The following DTNBP1 variants were observed in gnomAD, a reference collection of about 807,000 sequenced individuals.
The protein encoded by DTNBP1 is dysbindin.
Under a neutral mutation model 42.8 loss-of-function variants are expected in DTNBP1, and 35 were observed. The ratio of observed to expected loss-of-function variants is 0.82; its 90% CI spans 0.63 to 1.09. The LOEUF is 1.09. Among genes scored for constraint, DTNBP1 ranks in the 50% least tolerant of loss-of-function variants. The pLI is 0.00. For synonymous variants in DTNBP1, 171 were observed against 162.2 expected (o/e 1.05, Z -0.41); for missense variants, 457 against 424.2 (o/e 1.08, Z -0.68).
At chr6:15,567,406 T>C (rs964916077) in intron 7 of DTNBP1, among the ~76,000 whole-genome samples, 6 of 152,112 alleles carry the variant, frequency 3.9e-5, no homozygotes, top group African/African-American at 9.7e-5. Context: ...TGAGCTATGA[T>C]TGCACCACTG....
rs867159662 is a variant in DTNBP1, at chr6:15,523,336, G to C, written c.812-117C>G. ...AAGGGGGGTGTGGTTTTTGTTCCAG[G>C]CACCTGGGGCCTGCAGAACTTGGGA... On this transcript the variant is annotated intron_variant, in intron 9 of 9. Transcript: ENST00000344537. The C allele has an allele frequency of 7.0e-6, 10 of 1,429,984 alleles. 1 individual carries two copies. The Middle Eastern group carries it at 1.8e-3, about 260-fold the overall frequency. The allele number at this position is 1,429,984 out of a possible 1,614,324, so 88.6% of individuals were successfully genotyped here. A position where few individuals can be genotyped will look rare whatever the true frequency, so the allele number is the denominator to read the frequency against.
chr6:15,565,407 T>C (rs1254024491), intron 7 of DTNBP1, among the ~76,000 whole-genome samples: 1 of 152,172 alleles, frequency 6.6e-6, no homozygotes, highest in Non-Finnish European at 1.5e-5. Context: ...CTTTTTTAAA[T>C]AGCCCCAAAC....
chr6:15,578,017 C>A (rs545237371), intron 7 of DTNBP1, among the ~76,000 whole-genome samples: 1 of 152,166 alleles, frequency 6.6e-6, no homozygotes, highest in South Asian at 2.1e-4. Flanking sequence ...GTGGACAGTA[C>A]GAACAACTGC....
intron 7 of DTNBP1, among the ~76,000 whole-genome samples, chr6:15,552,686 A>G (rs145584317): frequency 2.2e-3 from 336 of 152,368 alleles, no homozygotes; most frequent in African/African-American, 7.5e-3. Context: ...TAAGAAAAGT[A>G]TAACTTATAA....
intron 8 of DTNBP1, among the ~76,000 whole-genome samples, chr6:15,531,319 T>TCC (rs1772807247): frequency 6.6e-6 from 1 of 152,164 alleles, no homozygotes; most frequent in Non-Finnish European, 1.5e-5. Context: ...GCAAACCCTC[T>TCC]CCTTCCTCCC....
intron 1 of DTNBP1, among the ~76,000 whole-genome samples, chr6:15,655,190 T>C (rs959148105): frequency 1.1e-4 from 17 of 152,280 alleles, no homozygotes; most frequent in African/African-American, 3.8e-4. Flanking sequence ...GGAGCAATCA[T>C]AGCTCACTGC....
intron 1 of DTNBP1, among the ~76,000 whole-genome samples, chr6:15,654,541 T>C (rs984875201): frequency 6.6e-6 from 1 of 152,206 alleles, no homozygotes; most frequent in East Asian, 1.9e-4. Flanking sequence ...CAACTATTTA[T>C]TTCTAAAACA....
At chr6:15,642,027 C>T (rs562284332) in intron 3 of DTNBP1, among the ~76,000 whole-genome samples, 5 of 152,276 alleles carry the variant, frequency 3.3e-5, no homozygotes, top group East Asian at 1.9e-4. Context: ...CACATGCACT[C>T]GGACACACAG....
At chr6:15,594,358 G>C (rs1441963673) in intron 6 of DTNBP1, among the ~76,000 whole-genome samples, 3 of 151,892 alleles carry the variant, frequency 2.0e-5, no homozygotes, top group African/African-American at 7.3e-5. Context: ...CCAGCTACTA[G>C]GGAGGCTGAG....
intron 5 of DTNBP1, among the ~76,000 whole-genome samples, chr6:15,621,265 T>C (rs575841561): frequency 5.3e-5 from 8 of 152,380 alleles, no homozygotes; most frequent in African/African-American, 1.7e-4. Flanking sequence ...AAAATGTGTA[T>C]GTTCTTTTTA....
At chr6:15,596,873 G>A (rs963744045) in intron 6 of DTNBP1, among the ~76,000 whole-genome samples, 11 of 152,052 alleles carry the variant, frequency 7.2e-5, no homozygotes, top group African/African-American at 2.7e-4. Context: ...GGCATTACCC[G>A]GCTCCTCAAG....
At chr6:15,624,709 T>A (rs1274585634) in intron 5 of DTNBP1, among the ~76,000 whole-genome samples, 1 of 152,210 alleles carries the variant, frequency 6.6e-6, no homozygotes, top group African/African-American at 2.4e-5. Context: ...TCGGTTACCA[T>A]TTTCTTCTAA....
At chr6:15,599,736 T>C (rs1776653399) in intron 6 of DTNBP1, among the ~76,000 whole-genome samples, 1 of 152,192 alleles carries the variant, frequency 6.6e-6, no homozygotes, top group Admixed American at 6.5e-5. Flanking sequence ...AAAAACACTT[T>C]TATTTTCACT....
chr6:15,524,617 C>T lies in DTNBP1; in HGVS notation c.720G>A (p.Gln240=). ...SMEVNVDMLE[Q]MDLMDISDQE... ...GGTCCGATATGTCCATCAGGTCCAT[C>T]TGCTCCAGCATGTCCACGTTCACTT... is the stretch of plus-strand genomic sequence containing the variant. Residue 240 remains glutamine (Q), a synonymous_variant, in exon 9 of 10, where the codon CAG becomes CAA. Coordinates refer to ENST00000344537, the MANE Select transcript of DTNBP1 (RefSeq NM_032122.5). 1.2e-6 allele frequency: 2 copies of T among 1,613,932 alleles called. No individual in the cohort carries two copies. Among genetic ancestry groups the T allele is most frequent in the South Asian group, 2.2e-5 (2 of 91,064 alleles).
rs1227404700 is a variant in DTNBP1, at chr6:15,627,383, T to A, written c.315A>T (p.Pro105=). The change falls in exon 5 of 10, where the codon CCA becomes CCT. Residue 105 remains proline (P), a synonymous_variant. Transcript: ENST00000344537. ...TGGATTCTAAGTCTGCGATTAAAGC[T>A]GGGAGCTGCTGGAGCTGCTCTTGCA... ...VELQEQLQQL[P]ALIADLESMT... is the part of the protein sequence containing the mutation. 6.2e-7 allele frequency: 1 copy of A among 1,613,582 alleles called. No homozygotes were observed. The highest frequency in any genetic ancestry group is 1.1e-5 in the South Asian group (1 of 91,078).
chr6:15,577,523 C>A (rs1376102279), intron 7 of DTNBP1, among the ~76,000 whole-genome samples: 2 of 152,202 alleles, frequency 1.3e-5, no homozygotes, highest in African/African-American at 4.8e-5. Flanking sequence ...AGGACTCATG[C>A]AGCATTTTTG....
chr6:15,531,113 T>C (rs930770750), intron 8 of DTNBP1, among the ~76,000 whole-genome samples: 2 of 152,026 alleles, frequency 1.3e-5, no homozygotes, highest in Non-Finnish European at 2.9e-5. Flanking sequence ...AAGGGGGCCG[T>C]CTATAAGCAA....
intron 8 of DTNBP1, among the ~76,000 whole-genome samples, chr6:15,525,854 A>T (rs1772346330): frequency 6.6e-6 from 1 of 152,228 alleles, no homozygotes; most frequent in Admixed American, 6.5e-5. Context: ...AAAGAAGCTG[A>T]TGAGTTTCCC....
chr6:15,536,637 C>T (rs1057131421), intron 7 of DTNBP1, among the ~76,000 whole-genome samples: 1 of 152,236 alleles, frequency 6.6e-6, no homozygotes, highest in Non-Finnish European at 1.5e-5. Flanking sequence ...AGGGACACAG[C>T]CCTCATGGAG....
Sources: gnomAD v4.1 joint callset for allele counts (sites outside exome capture counted in the v4.1 genomes callset) on GRCh38, gnomAD v4.1.1 for gene constraint, MANE v1.5 for transcripts, NCBI Gene and HGNC (gene_info 2026-07-23, HGNC 2026-07-21) for gene names.